The following NEURL1 variants were observed in gnomAD, a reference collection of about 807,000 sequenced individuals.
NEURL1 encodes the protein E3 ubiquitin-protein ligase NEURL1.
Under a neutral mutation model 41.2 loss-of-function variants are expected in NEURL1, and 26 were observed. That is an observed-to-expected ratio of 0.63 (90% CI 0.46 to 0.87). The LOEUF (loss-of-function observed/expected upper bound fraction) is 0.87, where lower values mean the gene tolerates loss of function less well. NEURL1 is among the 40% of genes least tolerant of loss of function. The pLI is 0.00. For missense variants in NEURL1, 761 were observed against 871.1 expected (o/e 0.87, Z 1.59); for synonymous variants, 400 against 402.3 (o/e 0.99, Z 0.07).
intron 1 of NEURL1, among the ~76,000 whole-genome samples, chr10:103,513,837 C>T (rs1352959480): frequency 1.3e-5 from 2 of 151,982 alleles, no homozygotes; most frequent in Non-Finnish European, 2.9e-5. Context: ...CCCCCAAGGC[C>T]TCTGGGGCAG....
intron 4 of NEURL1, chr10:103,588,695 C>T (rs1196252825): frequency 4.7e-6 from 2 of 427,700 alleles, no homozygotes; most frequent in Admixed American, 5.0e-5. Context: ...CCCAGCAATC[C>T]CAGCACTTTG....
At chr10:103,567,999 C>CGT (rs1475166996) in intron 1 of NEURL1, among the ~76,000 whole-genome samples, 1 of 152,146 alleles carries the variant, frequency 6.6e-6, no homozygotes, top group African/African-American at 2.4e-5. Flanking sequence ...TACATGACTA[C>CGT]GTGTGTGTGT....
chr10:103,518,583 G>C (rs2034270311), intron 1 of NEURL1, among the ~76,000 whole-genome samples: 1 of 152,212 alleles, frequency 6.6e-6, no homozygotes, highest in Non-Finnish European at 1.5e-5. Context: ...GAGTGAGGCA[G>C]ATACAGGGAT....
At chr10:103,542,701 G>A (rs1341290512) in intron 1 of NEURL1, among the ~76,000 whole-genome samples, 1 of 152,166 alleles carries the variant, frequency 6.6e-6, no homozygotes, top group Non-Finnish European at 1.5e-5. Context: ...TTGTGGCTTA[G>A]ACAAGTCACT....
At chr10:103,538,696 G>C (rs2034751585) in intron 1 of NEURL1, among the ~76,000 whole-genome samples, 1 of 149,480 alleles carries the variant, frequency 6.7e-6, no homozygotes, top group Non-Finnish European at 1.5e-5. Context: ...GCCCAGGCTG[G>C]AGTGCAGTGG....
intron 1 of NEURL1, among the ~76,000 whole-genome samples, chr10:103,506,599 G>A (rs1222186419): frequency 6.7e-5 from 10 of 149,760 alleles, no homozygotes; most frequent in East Asian, 2.0e-4. Context: ...TCACTCTGTC[G>A]CCCAGGCTGG....
At chr10:103,570,201 C>T (rs1040959112) in intron 1 of NEURL1, among the ~76,000 whole-genome samples, 5 of 152,304 alleles carry the variant, frequency 3.3e-5, no homozygotes, top group East Asian at 3.9e-4. Flanking sequence ...ACAGGATGGG[C>T]GGGCTCTACT....
chr10:103,586,419 C>T (rs377713634), intron 4 of NEURL1, among the ~76,000 whole-genome samples: 82 of 152,226 alleles, frequency 5.4e-4, no homozygotes, highest in East Asian at 4.8e-3. Flanking sequence ...GATTTTAATT[C>T]GGTAGACCTT....
rs565537759 is a variant in NEURL1 at position 103,530,417 on chromosome 10, T to C, written c.85+35945T>C. On this transcript the variant is annotated intron_variant, in intron 1 of 5. Transcript: ENST00000369780. Reference sequence around the variant, plus strand: ...TTCAAGACATTTTTAAATTTTCTTCTTAATTTCTGTATTGACCCATTGATT... The same window carrying C: ...TTCAAGACATTTTTAAATTTTCTTCCTAATTTCTGTATTGACCCATTGATT... Among the ~76,000 whole-genome samples, 7 of 152,316 alleles carry C rather than the reference T, an allele frequency of 4.6e-5. No individual in the cohort carries two copies. In the South Asian group the frequency reaches 1.5e-3, roughly 32 times the overall value.
intron 1 of NEURL1, among the ~76,000 whole-genome samples, chr10:103,565,091 A>G (rs1462368668): frequency 6.6e-6 from 1 of 152,170 alleles, no homozygotes; most frequent in East Asian, 1.9e-4. Flanking sequence ...AGGAGAGGAC[A>G]GAACCCAGGG....
In NEURL1 at chr10:103,545,795, G is replaced by A. The variant is rs2034912806; in HGVS notation, c.86-25077G>A. On this transcript the variant is annotated intron_variant, in intron 1 of 5. Transcript: ENST00000369780. This position sits in a 1 kb window ranked among gnomAD's most constrained non-coding sequence, Gnocchi z 4.5. ...TTATGCCTTGCAACCTGTGAGAGCTGGCACCCCCTGCCTCAGTCCCCACTT... is the reference window on the plus strand; with the variant it reads ...TTATGCCTTGCAACCTGTGAGAGCTAGCACCCCCTGCCTCAGTCCCCACTT... 6.6e-6 allele frequency among the ~76,000 whole-genome samples: 1 copy of A among 152,182 alleles called. No individual in the cohort carries two copies.
intron 1 of NEURL1, among the ~76,000 whole-genome samples, chr10:103,516,565 T>C (rs1423712531): frequency 6.6e-6 from 1 of 151,950 alleles, no homozygotes; most frequent in Non-Finnish European, 1.5e-5. Flanking sequence ...ACTTAAACCA[T>C]GAGAGTGGTT....
chr10:103,568,684 A>G (rs1292250179), intron 1 of NEURL1, among the ~76,000 whole-genome samples: 4 of 151,638 alleles, frequency 2.6e-5, no homozygotes, highest in Non-Finnish European at 5.9e-5. Context: ...ACCACCATTT[A>G]AAAAAAAAGA....
chr10:103,590,646 T>C lies in NEURL1; in HGVS notation c.*274T>C. 1 of 494,642 alleles carries C rather than the reference T, an allele frequency of 2.0e-6. No homozygotes were observed. Among genetic ancestry groups the C allele is most frequent in the Non-Finnish European group, 3.7e-6 (1 of 273,520 alleles). 30.6% of individuals were successfully genotyped at this position (494,642 alleles called of 1,614,324 possible). A position where few individuals can be genotyped will look rare whatever the true frequency, so the allele number is the denominator to read the frequency against. On this transcript the variant is annotated 3_prime_UTR_variant, in exon 6 of 6. Transcript: ENST00000369780. ...CTGCACCCAGCTCCTCTCTGCATGCTGAGGGCTAAATTGGGATCTCAGCCT... is the reference window on the plus strand; with the variant it reads ...CTGCACCCAGCTCCTCTCTGCATGCCGAGGGCTAAATTGGGATCTCAGCCT...
chr10:103,584,791 G>A lies in NEURL1; in HGVS notation c.905G>A (p.Gly302Asp), dbSNP rs753854239. The change falls in exon 4 of 6, where the codon GGC becomes GAC. Residue 302 changes from glycine to aspartate, a missense_variant. By Grantham distance (94) the Gly-to-Asp change is moderately conservative (BLOSUM62 -1). Coordinates refer to ENST00000369780, the MANE Select transcript of NEURL1 (RefSeq NM_004210.5). ...GDLRFHALRA[G>D]AHVRILDEQT... The stretch of plus-strand genomic sequence containing the variant: ...CTGCGTTTCCACGCCCTGCGCGCCG[G>A]CGCGCACGTCCGCATCCTCGACGAG... 7.0e-7 allele frequency: 1 copy of A among 1,432,608 alleles called. No homozygotes were observed. The allele number at this position is 1,432,608 out of a possible 1,614,324, so 88.7% of individuals were successfully genotyped here.
At chr10:103,535,043 A>G (rs992025081) in intron 1 of NEURL1, among the ~76,000 whole-genome samples, 1 of 152,146 alleles carries the variant, frequency 6.6e-6, no homozygotes, top group Non-Finnish European at 1.5e-5. Flanking sequence ...AACTTGAGCC[A>G]ATAGGGTTCA....
rs1321842278 is a variant in NEURL1 at position 103,545,669 on chromosome 10, T to A, written c.86-25203T>A. ...CTGGACTCAAGTCATCTCTCACCTT[T>A]GCTGTATGAGAACAGCAGTTCCTAT... On this transcript the variant is annotated intron_variant, in intron 1 of 5. Transcript: ENST00000369780. The surrounding 1 kb of genome is among the most constrained non-coding windows in gnomAD (Gnocchi z 4.5). Among the ~76,000 whole-genome samples, 2 of 152,226 alleles carry A rather than the reference T, an allele frequency of 1.3e-5. No individual in the cohort carries two copies. The highest frequency in any genetic ancestry group is 4.8e-5 in the African/African-American group (2 of 41,454).
At chr10:103,504,738 C>T (rs770854877) in intron 1 of NEURL1, among the ~76,000 whole-genome samples, 1 of 152,186 alleles carries the variant, frequency 6.6e-6, no homozygotes, top group Non-Finnish European at 1.5e-5. Flanking sequence ...CCAGAGGCCC[C>T]GCTATCTTTA....
At chr10:103,497,290 CTG>C (rs1040601694) in intron 1 of NEURL1, among the ~76,000 whole-genome samples, 1 of 152,162 alleles carries the variant, frequency 6.6e-6, no homozygotes, top group African/African-American at 2.4e-5. Flanking sequence ...TGGTGTTGAC[CTG>C]ATAGGCTGTG....
Sources: gnomAD v4.1 joint callset for allele counts (sites outside exome capture counted in the v4.1 genomes callset) on GRCh38, gnomAD v4.1.1 for gene constraint, Gnocchi (gnomAD v3.1) non-coding constraint, MANE v1.5 for transcripts, NCBI Gene and HGNC (gene_info 2026-07-23, HGNC 2026-07-21) for gene names.